The following STPG2 variants were observed in gnomAD, a reference collection of about 807,000 sequenced individuals.
STPG2 encodes sperm tail PG-rich repeat containing 2.
A neutral mutation model predicts 54.2 loss-of-function variants in STPG2; 56 were observed. The observed-to-expected ratio is 1.03, with a 90% CI of 0.83 to 1.29. STPG2 has a LOEUF of 1.29. STPG2 is among the 50% of genes most tolerant of loss of function. The pLI is 0.00. For missense variants in STPG2, 596 were observed against 544.9 expected (o/e 1.09, Z -0.93); for synonymous variants, 200 against 181.8 (o/e 1.10, Z -0.81).
chr4:97,894,383 C>A (rs566766814), intron 8 of STPG2, among the ~76,000 whole-genome samples: 26 of 151,930 alleles, frequency 1.7e-4, no homozygotes, highest in Non-Finnish European at 3.1e-4. Flanking sequence ...ATTGTAACTA[C>A]TCTGAATATA....
intron 4 of STPG2, among the ~76,000 whole-genome samples, chr4:97,452,114 G>GCC (rs751089640): frequency 1.1e-3 from 19 of 17,022 alleles, no homozygotes; most frequent in East Asian, 3.1e-3. Context: ...CAGGAGCCCC[G>GCC]CCCCCACCCC....
intron 5 of STPG2, among the ~76,000 whole-genome samples, chr4:98,063,284 A>T (rs953371857): frequency 4.6e-5 from 7 of 151,918 alleles, no homozygotes; most frequent in Non-Finnish European, 1.0e-4. Context: ...CCCCGTCTCT[A>T]CTAAAAATAC....
chr4:97,844,621 T>C lies in STPG2; in HGVS notation c.1045-3689A>G, dbSNP rs572238469. Among the ~76,000 whole-genome samples the C allele has an allele frequency of 7.2e-5, 11 of 152,156 alleles. No homozygotes were observed. The East Asian group carries it at 2.1e-3, about 29-fold the overall frequency. On this transcript the variant is annotated intron_variant, in intron 8 of 10. Coordinates refer to ENST00000295268, the MANE Select transcript of STPG2 (RefSeq NM_174952.3). ...GTCACCTTTGTTCTCTTTCACTAGT[T>C]TGACTATAATGTATCTAAGTGTGAA...
At chr4:98,085,906 T>C (rs1738489225) in intron 5 of STPG2, among the ~76,000 whole-genome samples, 1 of 152,108 alleles carries the variant, frequency 6.6e-6, no homozygotes, top group African/African-American at 2.4e-5. Flanking sequence ...TCAGTAGTTA[T>C]CACAGTCCTC....
intron 9 of STPG2, among the ~76,000 whole-genome samples, chr4:97,829,149 C>G (rs1173565349): frequency 6.6e-6 from 1 of 152,094 alleles, no homozygotes; most frequent in Admixed American, 6.6e-5. Flanking sequence ...GTGGGTGCCC[C>G]TCTGGGACGA....
chr4:97,530,349 T>C (rs1045287141), intron 4 of STPG2, among the ~76,000 whole-genome samples: 1 of 152,228 alleles, frequency 6.6e-6, no homozygotes, highest in Non-Finnish European at 1.5e-5. Context: ...GCAAAGGTTA[T>C]GCTGTACTGT....
In STPG2 at chr4:97,605,157, C is replaced by A. The variant is rs28721435; in HGVS notation, c.1321-46040G>T. Among the ~76,000 whole-genome samples, 407 of 151,260 alleles carry A rather than the reference C, an allele frequency of 2.7e-3. 3 individuals carry two copies. Among genetic ancestry groups the A allele is most frequent in the African/African-American group, 9.3e-3 (384 of 41,336 alleles). ...TCTTTTCTTTCTTGATAAAAAGAAA[C>A]GACATTCAGCTCTACACTGTATTTC... On this transcript the variant is annotated intron_variant, in intron 10 of 10. Transcript: ENST00000295268.
At chr4:97,805,354 C>T (rs1307438046) in intron 9 of STPG2, among the ~76,000 whole-genome samples, 5 of 151,882 alleles carry the variant, frequency 3.3e-5, no homozygotes, top group African/African-American at 7.3e-5. Context: ...ATTACAGGCG[C>T]GCACCACCAC....
intron 5 of STPG2, among the ~76,000 whole-genome samples, chr4:98,039,526 A>G (rs1224770275): frequency 6.6e-6 from 1 of 150,954 alleles, no homozygotes; most frequent in African/African-American, 2.4e-5. Flanking sequence ...TTGTGTAAAT[A>G]TGTATACACA....
chr4:97,978,216 T>C (rs113932246), intron 6 of STPG2, among the ~76,000 whole-genome samples: 1,715 of 152,260 alleles, frequency 0.011, 27 homozygotes, highest in African/African-American at 0.039. Context: ...GACACAAGCA[T>C]GTGTATGTTC....
intron 5 of STPG2, among the ~76,000 whole-genome samples, chr4:97,985,054 T>C (rs1201409097): frequency 7.9e-6 from 1 of 127,084 alleles, no homozygotes; most frequent in Non-Finnish European, 1.8e-5. Flanking sequence ...AACAAAAATA[T>C]AGTACAACAT....
At chr4:98,061,297 G>C (rs898573392) in intron 5 of STPG2, among the ~76,000 whole-genome samples, 4 of 152,184 alleles carry the variant, frequency 2.6e-5, no homozygotes, top group African/African-American at 4.8e-5. Flanking sequence ...CAGTTTCACA[G>C]GCTGTACAGG....
chr4:97,934,299 T>A (rs1732665419), intron 8 of STPG2, among the ~76,000 whole-genome samples: 1 of 152,208 alleles, frequency 6.6e-6, no homozygotes, highest in Non-Finnish European at 1.5e-5. Flanking sequence ...GATCATATTG[T>A]CTGCAAACAG....
At chr4:97,699,971 C>G (rs935272430) in intron 10 of STPG2, among the ~76,000 whole-genome samples, 6 of 152,326 alleles carry the variant, frequency 3.9e-5, no homozygotes, top group Non-Finnish European at 8.8e-5. Context: ...TTTATGGCTA[C>G]ATGGGTCAGA....
At chr4:97,487,728 C>T (rs1386177290) in intron 4 of STPG2, among the ~76,000 whole-genome samples, 4 of 151,020 alleles carry the variant, frequency 2.6e-5, no homozygotes, top group Admixed American at 6.6e-5. Flanking sequence ...TTATACCATC[C>T]GTGTTTAAGA....
At chr4:97,834,042 T>C (rs933107209) in intron 9 of STPG2, among the ~76,000 whole-genome samples, 1 of 152,072 alleles carries the variant, frequency 6.6e-6, no homozygotes, top group Non-Finnish European at 1.5e-5. Flanking sequence ...CATTCTACTA[T>C]AAAGACACAT....
intron 8 of STPG2, among the ~76,000 whole-genome samples, chr4:97,902,309 T>C (rs60404606): frequency 0.16 from 24,630 of 151,914 alleles, 2,162 homozygotes; most frequent in East Asian, 0.36. Context: ...AGTGGGACTA[T>C]ATAAAACTTA....
Position 97,677,333 on chromosome 4 carries a change from C to T in STPG2, c.1320+35366G>A, listed in dbSNP as rs528437352. Among the ~76,000 whole-genome samples the T allele has an allele frequency of 1.1e-3, 161 of 152,086 alleles. 1 individual carries two copies. The highest frequency in any genetic ancestry group is 3.8e-3 in the African/African-American group (157 of 41,510). On this transcript the variant is annotated intron_variant, in intron 10 of 10. Coordinates refer to ENST00000295268, the MANE Select transcript of STPG2 (RefSeq NM_174952.3). ...CATTTTCTTAGCAGGTGATGCAGAACCAATTATAGCTATTATAACAATTTA... is the reference window on the plus strand; with the variant it reads ...CATTTTCTTAGCAGGTGATGCAGAATCAATTATAGCTATTATAACAATTTA...
intron 9 of STPG2, among the ~76,000 whole-genome samples, chr4:97,817,287 C>G (rs1429922134): frequency 1.3e-5 from 2 of 150,780 alleles, no homozygotes; most frequent in East Asian, 3.9e-4. Context: ...TTTAAAGATC[C>G]TACTGGCACT....
Sources: gnomAD v4.1 joint callset for allele counts (sites outside exome capture counted in the v4.1 genomes callset) on GRCh38, gnomAD v4.1.1 for gene constraint, MANE v1.5 for transcripts, NCBI Gene and HGNC (gene_info 2026-07-23, HGNC 2026-07-21) for gene names.